Variants in TRHDE observed in about 807,000 individuals in gnomAD.
The protein encoded by TRHDE is thyrotropin-releasing hormone-degrading ectoenzyme.
TRHDE carries 72 observed loss-of-function variants against 125.7 expected under a neutral mutation model. The ratio of observed to expected loss-of-function variants is 0.57; its 90% CI spans 0.47 to 0.70. The LOEUF (loss-of-function observed/expected upper bound fraction) is 0.70. Ranked by LOEUF, TRHDE falls within the 30% of genes least tolerant of loss-of-function variation. The pLI is 0.00. For synonymous variants in TRHDE, 509 were observed against 509.1 expected (o/e 1.00, Z 0.00); for missense variants, 1,110 against 1,327.1 (o/e 0.84, Z 2.54).
chr12:72,299,203 A>G (rs554314209), intron 2 of TRHDE, among the ~76,000 whole-genome samples: 2 of 152,324 alleles, frequency 1.3e-5, no homozygotes, highest in South Asian at 4.1e-4. Flanking sequence ...TTATTTCCTG[A>G]AGAATCAAGT....
intron 6 of TRHDE, among the ~76,000 whole-genome samples, chr12:72,516,659 T>C (rs1241615798): frequency 6.6e-6 from 1 of 151,822 alleles, no homozygotes; most frequent in Non-Finnish European, 1.5e-5. Flanking sequence ...CTAATTGCCC[T>C]GGCCAGAACT....
intron 2 of TRHDE, among the ~76,000 whole-genome samples, chr12:72,347,196 C>T (rs1169693529): frequency 6.6e-6 from 1 of 152,068 alleles, no homozygotes; most frequent in Non-Finnish European, 1.5e-5. Context: ...TTGAGGGACT[C>T]ATACCCATAA....
At chr12:72,479,683 T>G (rs1233439780) in intron 5 of TRHDE, among the ~76,000 whole-genome samples, 1 of 151,466 alleles carries the variant, frequency 6.6e-6, no homozygotes, top group Non-Finnish European at 1.5e-5. Flanking sequence ...TTATTATACT[T>G]TAAGTTTTAG....
chr12:72,300,850 A>G (rs1405725927), intron 2 of TRHDE, among the ~76,000 whole-genome samples: 3 of 152,132 alleles, frequency 2.0e-5, no homozygotes. Context: ...TATTTGGGTG[A>G]CAAAAAAATA....
At chr12:72,482,770 A>C (rs1413111902) in intron 5 of TRHDE, among the ~76,000 whole-genome samples, 1 of 151,954 alleles carries the variant, frequency 6.6e-6, no homozygotes, top group East Asian at 1.9e-4. Flanking sequence ...ATTTGGCATT[A>C]ATTACATTCT....
In TRHDE at chr12:72,430,413, G is replaced by A. The variant is rs1168250290; in HGVS notation, c.1316-39345G>A. 4.4e-5 allele frequency among the ~76,000 whole-genome samples: 6 copies of A among 137,044 alleles called. No homozygotes were observed. In the South Asian group the frequency reaches 1.4e-3, roughly 31 times the overall value. 89.9% of individuals were successfully genotyped at this position (137,044 alleles called of 152,430 possible). A position where few individuals can be genotyped will look rare whatever the true frequency, so the allele number is the denominator to read the frequency against. ...TATATACACACACGTATATATATGT[G>A]CATATATATACATGTATATATATAC... On this transcript the variant is annotated intron_variant, in intron 3 of 18. Transcript: ENST00000261180.
chr12:72,643,424 T>C (rs1874150521), intron 15 of TRHDE, among the ~76,000 whole-genome samples: 1 of 152,200 alleles, frequency 6.6e-6, no homozygotes, highest in African/African-American at 2.4e-5. Context: ...CAGCAGTTTT[T>C]TGTAAAGCAC....
At chr12:72,307,798 C>T (rs925965144) in intron 2 of TRHDE, among the ~76,000 whole-genome samples, 3 of 152,166 alleles carry the variant, frequency 2.0e-5, no homozygotes, top group Admixed American at 1.3e-4. Context: ...TCAATTTAAA[C>T]TAAGATGGAA....
intron 2 of TRHDE, among the ~76,000 whole-genome samples, chr12:72,361,200 C>A (rs935141892): frequency 1.3e-5 from 2 of 151,512 alleles, no homozygotes; most frequent in Non-Finnish European, 2.9e-5. Context: ...TTTTTTTGTG[C>A]CCTTCACACC....
chr12:72,484,254 A>G (rs1877305622), intron 5 of TRHDE, among the ~76,000 whole-genome samples: 1 of 152,162 alleles, frequency 6.6e-6, no homozygotes, highest in African/African-American at 2.4e-5. Flanking sequence ...AAGATTAGCC[A>G]ATTTGATTTT....
At chr12:72,417,437 G>A (rs1480479462) in intron 3 of TRHDE, among the ~76,000 whole-genome samples, 1 of 151,942 alleles carries the variant, frequency 6.6e-6, no homozygotes, top group Non-Finnish European at 1.5e-5. Context: ...GCCCTGTACA[G>A]TCTGGGACAA....
intron 2 of TRHDE, among the ~76,000 whole-genome samples, chr12:72,128,521 A>G (rs1035496826): frequency 6.6e-5 from 10 of 152,236 alleles, no homozygotes; most frequent in African/African-American, 9.6e-5. Context: ...CAAGGACATT[A>G]AAGCAATGAT....
chr12:72,539,212 AT>A (rs1869021719), intron 6 of TRHDE, among the ~76,000 whole-genome samples: 1 of 151,888 alleles, frequency 6.6e-6, no homozygotes, highest in South Asian at 2.1e-4. Context: ...TTCTCTTGTC[AT>A]TCATTTTATT....
intron 2 of TRHDE, among the ~76,000 whole-genome samples, chr12:72,243,616 AC>A (rs1878523030): frequency 1.3e-5 from 2 of 152,218 alleles, no homozygotes; most frequent in Non-Finnish European, 2.9e-5. Flanking sequence ...AAATGTGACT[AC>A]AAGTAAATTT....
rs3081972 is a variant in TRHDE at position 72,525,601 on chromosome 12, TTGTGTGTG to T, written c.1723-16663_1723-16656del. Among the ~76,000 whole-genome samples the T allele has an allele frequency of 5.6e-3, 712 of 127,706 alleles. 5 individuals are homozygous for T. Among genetic ancestry groups the T allele is most frequent in the African/African-American group, 0.021 (650 of 30,974 alleles). 83.8% of individuals were successfully genotyped at this position (127,706 alleles called of 152,430 possible). A position where few individuals can be genotyped will look rare whatever the true frequency, so the allele number is the denominator to read the frequency against. On this transcript the variant is annotated intron_variant, in intron 6 of 18. Transcript: ENST00000261180. ...AGACTTCTCATGTTTTGTGTGTGGTTTGTGTGTGTGTGTGTGTGTGTGTGTGTGTGTGT... is the reference window on the plus strand; with the variant it reads ...AGACTTCTCATGTTTTGTGTGTGGTTTGTGTGTGTGTGTGTGTGTGTGTGT...
chr12:72,270,148 C>T (rs1042079758), upstream of TRHDE, among the ~76,000 whole-genome samples: 1 of 152,160 alleles, frequency 6.6e-6, no homozygotes, highest in African/African-American at 2.4e-5. Flanking sequence ...ACCCCAACTC[C>T]TCAACTCTTA....
In TRHDE at chr12:72,273,896, G is replaced by A. The variant is rs1481116444; in HGVS notation, c.914+339G>A. The A allele has an allele frequency of 3.7e-6, 1 of 272,574 alleles. No individual in the cohort carries two copies. The highest frequency in any genetic ancestry group is 1.1e-3 in the Middle Eastern group (1 of 926). The allele number at this position is 272,574 out of a possible 1,614,324, so 16.9% of individuals were successfully genotyped here. ...GTAGCTGATAATCTGAGCGATGCCA[G>A]AGTGACATGAAAAGCTTGCCAAGTT... On this transcript the variant is annotated intron_variant, in intron 1 of 18. Coordinates refer to ENST00000261180, the MANE Select transcript of TRHDE (RefSeq NM_013381.3). This position sits in a 1 kb window ranked among gnomAD's most constrained non-coding sequence, Gnocchi z 5.3.
At chr12:72,454,685 A>G (rs1875750441) in intron 3 of TRHDE, among the ~76,000 whole-genome samples, 1 of 152,162 alleles carries the variant, frequency 6.6e-6, no homozygotes. Flanking sequence ...GTGATTCCCA[A>G]ACTTTAATGT....
intron 2 of TRHDE, among the ~76,000 whole-genome samples, chr12:72,348,110 G>GTA (rs142383085): frequency 0.023 from 3,507 of 151,744 alleles, 95 homozygotes; most frequent in South Asian, 0.087. Context: ...CATGATGTAT[G>GTA]TATATATATA....
Sources: allele counts gnomAD v4.1 joint callset (sites outside exome capture counted in the v4.1 genomes callset), GRCh38; gene constraint gnomAD v4.1.1; non-coding constraint Gnocchi (gnomAD v3.1); transcripts MANE v1.5; gene names NCBI Gene and HGNC (gene_info 2026-07-23, HGNC 2026-07-21).